The following COMMD10 variants were observed in gnomAD, a reference collection of about 807,000 sequenced individuals.
COMMD10 encodes COMM domain-containing protein 10.
COMMD10 carries 33 observed loss-of-function variants against 28.9 expected under a neutral mutation model. The ratio of observed to expected loss-of-function variants is 1.14; its 90% confidence interval spans 0.87 to 1.53. COMMD10 has a LOEUF of 1.53. Among genes scored for constraint, COMMD10 ranks in the 40% most tolerant of loss-of-function variants. The pLI, the probability that COMMD10 is intolerant of heterozygous loss-of-function variation, is 0.00. For synonymous variants in COMMD10, 110 were observed against 81.7 expected, an observed-to-expected ratio of 1.35 and a Z score of -1.87; for missense variants, 310 against 233.4, an observed-to-expected ratio of 1.33 and a Z score of -2.14.
intron 5 of COMMD10, among the ~76,000 whole-genome samples, chr5:116,204,247 T>C (rs891079982): frequency 6.6e-6 from 1 of 152,186 alleles, no homozygotes; most frequent in African/African-American, 2.4e-5. Context: ...AAGCAAGTCC[T>C]AAGTGACCTA....
At chr5:116,272,761 C>A (rs1328386911) in intron 5 of COMMD10, among the ~76,000 whole-genome samples, 1 of 151,800 alleles carries the variant, frequency 6.6e-6, no homozygotes, top group East Asian at 1.9e-4. Flanking sequence ...GTTTTGGCAT[C>A]CATCTAGTGG....
At chr5:116,147,009 G>C (rs1265736540) in intron 5 of COMMD10, among the ~76,000 whole-genome samples, 1 of 151,858 alleles carries the variant, frequency 6.6e-6, no homozygotes, top group East Asian at 1.9e-4. Flanking sequence ...TCAGATCCTC[G>C]AGTCTTATAT....
At chr5:116,236,523 A>C (rs1443268430) in intron 5 of COMMD10, among the ~76,000 whole-genome samples, 1 of 151,616 alleles carries the variant, frequency 6.6e-6, no homozygotes, top group Non-Finnish European at 1.5e-5. Flanking sequence ...AAAAAAAAAA[A>C]AGAAGTGATC....
chr5:116,126,464 C>T (rs10069947), intron 4 of COMMD10, among the ~76,000 whole-genome samples: 47,730 of 151,772 alleles, frequency 0.31, 10,354 homozygotes, highest in African/African-American at 0.62. Context: ...CCCTCATTGC[C>T]AAGTCAATCC....
chr5:116,182,288 T>G (rs1488727437), intron 5 of COMMD10, among the ~76,000 whole-genome samples: 1 of 148,458 alleles, frequency 6.7e-6, no homozygotes, highest in East Asian at 2.0e-4. Flanking sequence ...AATATTAAGA[T>G]TATGGATGGA....
At chr5:116,094,692 A>T (rs895269376) in intron 4 of COMMD10, among the ~76,000 whole-genome samples, 3 of 152,224 alleles carry the variant, frequency 2.0e-5, no homozygotes, top group Non-Finnish European at 4.4e-5. Flanking sequence ...AGGAAAGGAA[A>T]TCGGTATATT....
At chr5:116,094,800 G>A (rs1230942415) in intron 4 of COMMD10, among the ~76,000 whole-genome samples, 1 of 152,142 alleles carries the variant, frequency 6.6e-6, no homozygotes, top group African/African-American at 2.4e-5. Context: ...GATGAATAAA[G>A]GGAATTTGGT....
intron 5 of COMMD10, among the ~76,000 whole-genome samples, chr5:116,185,273 G>C (rs1193022685): frequency 6.6e-6 from 1 of 151,926 alleles, no homozygotes; most frequent in African/African-American, 2.4e-5. Context: ...GTTGTGCTCT[G>C]AGTCCTAGGT....
At chr5:116,156,827 C>T (rs566062474) in intron 5 of COMMD10, among the ~76,000 whole-genome samples, 2 of 152,262 alleles carry the variant, frequency 1.3e-5, no homozygotes, top group East Asian at 3.9e-4. Context: ...CCAGCTTATA[C>T]ACTGGAGATG....
chr5:116,110,011 C>A (rs1216186738), intron 4 of COMMD10, among the ~76,000 whole-genome samples: 1 of 152,162 alleles, frequency 6.6e-6, no homozygotes, highest in Non-Finnish European at 1.5e-5. Context: ...GTGGGCTTGT[C>A]ATATATGGCA....
intron 5 of COMMD10, among the ~76,000 whole-genome samples, chr5:116,258,361 AATT>A (rs915465203): frequency 3.3e-5 from 5 of 151,660 alleles, no homozygotes; most frequent in African/African-American, 1.2e-4. Flanking sequence ...TTCCTTTTAA[AATT>A]ATGCATAAAT....
intron 5 of COMMD10, among the ~76,000 whole-genome samples, chr5:116,171,232 C>T (rs1489987823): frequency 1.3e-5 from 2 of 152,158 alleles, no homozygotes; most frequent in African/African-American, 4.8e-5. Context: ...AAAAAAAGCT[C>T]ATCATCAGTG....
chr5:116,288,008 G>T (rs1179683878), intron 5 of COMMD10, among the ~76,000 whole-genome samples: 11 of 151,478 alleles, frequency 7.3e-5, no homozygotes, highest in African/African-American at 2.7e-4. Flanking sequence ...ATTTTTCCAT[G>T]TATTTACCTT....
intron 5 of COMMD10, among the ~76,000 whole-genome samples, chr5:116,255,138 T>C (rs1022363377): frequency 6.6e-6 from 1 of 151,778 alleles, no homozygotes; most frequent in Admixed American, 6.6e-5. Flanking sequence ...TTTTTTTGTT[T>C]TCCATTTGCT....
intron 5 of COMMD10, among the ~76,000 whole-genome samples, chr5:116,237,129 A>G (rs148420977): frequency 1.6e-4 from 25 of 152,224 alleles, no homozygotes; most frequent in African/African-American, 4.6e-4. Flanking sequence ...GGCAGAGGAT[A>G]TAACTAGTAC....
At chr5:116,268,190 A>C (rs1178235996) in intron 5 of COMMD10, among the ~76,000 whole-genome samples, 4 of 151,980 alleles carry the variant, frequency 2.6e-5, no homozygotes, top group Non-Finnish European at 4.4e-5. Flanking sequence ...AAATGTTTGC[A>C]ATCTACCCAT....
chr5:116,131,897 T>C (rs1405631419), intron 4 of COMMD10, among the ~76,000 whole-genome samples: 1 of 152,034 alleles, frequency 6.6e-6, no homozygotes, highest in African/African-American at 2.4e-5. Flanking sequence ...GGGAATCTTA[T>C]TTGTTTCACT....
At chr5:116,214,583 G>C (rs1364366084) in intron 5 of COMMD10, among the ~76,000 whole-genome samples, 1 of 152,064 alleles carries the variant, frequency 6.6e-6, no homozygotes, top group African/African-American at 2.4e-5. Flanking sequence ...TCTTCAAGGT[G>C]TTCTATGTGA....
chr5:116,168,235 AAAG>A (rs1476869166), intron 5 of COMMD10, among the ~76,000 whole-genome samples: 1 of 152,102 alleles, frequency 6.6e-6, no homozygotes, highest in African/African-American at 2.4e-5. Flanking sequence ...CAAAAAAGAC[AAAG>A]AAGGGCATTA....
Sources: gnomAD v4.1 joint callset for allele counts (sites outside exome capture counted in the v4.1 genomes callset) on GRCh38, gnomAD v4.1.1 for gene constraint, MANE v1.5 for transcripts, NCBI Gene and HGNC (gene_info 2026-07-23, HGNC 2026-07-21) for gene names.